The following NR2F1-AS1 variants were observed in gnomAD, a reference collection of about 807,000 sequenced individuals.
NR2F1-AS1 encodes the protein NR2F1 regulatory antisense RNA 1.
upstream of NR2F1-AS1, chr5:93,585,515 C>T (rs746420132): frequency 3.3e-5 from 52 of 1,567,462 alleles, no homozygotes; most frequent in Non-Finnish European, 4.6e-5. Flanking sequence ...CTTCTCTCCC[C>T]GCGCTTCGCC....
At chr5:93,533,935 C>T (rs1751784551) in intron 4 of NR2F1-AS1, among the ~76,000 whole-genome samples, 1 of 152,020 alleles carries the variant, frequency 6.6e-6, no homozygotes, top group Non-Finnish European at 1.5e-5. Context: ...TCAAGTCCAG[C>T]CTGGCCAACA....
At chr5:93,418,387 A>G (rs561547753) in intron 4 of NR2F1-AS1, among the ~76,000 whole-genome samples, 12 of 152,032 alleles carry the variant, frequency 7.9e-5, no homozygotes, top group Admixed American at 3.3e-4. Flanking sequence ...AGGAGATTGA[A>G]ACCATCCTGG....
intron 4 of NR2F1-AS1, among the ~76,000 whole-genome samples, chr5:93,546,079 T>C (rs907121957): frequency 6.6e-6 from 1 of 152,192 alleles, no homozygotes; most frequent in Non-Finnish European, 1.5e-5. Flanking sequence ...TGTGGGCAAG[T>C]TAATTAACCT....
intron 4 of NR2F1-AS1, among the ~76,000 whole-genome samples, chr5:93,479,301 G>T (rs561722266): frequency 1.3e-5 from 2 of 152,282 alleles, no homozygotes; most frequent in South Asian, 4.1e-4. Flanking sequence ...ACCATGATGG[G>T]CTGACGCAGC....
chr5:93,444,108 A>G (rs1402874232), intron 4 of NR2F1-AS1, among the ~76,000 whole-genome samples: 1 of 152,244 alleles, frequency 6.6e-6, no homozygotes, highest in Non-Finnish European at 1.5e-5. Flanking sequence ...GACAAATTGT[A>G]AAGACCATCA....
rs190586843 is a variant in NR2F1-AS1 at position 93,509,525 on chromosome 5, A to G, written n.638+44236T>C. 1.6e-3 allele frequency among the ~76,000 whole-genome samples: 244 copies of G among 152,218 alleles called. 1 individual carries two copies. Among genetic ancestry groups the G allele is most frequent in the Middle Eastern group, 0.014 (4 of 294 alleles). ...AATATAAATACATACAATCAAATAT[A>G]TAAAGCTGGAGGAAGAATACATACC... On this transcript the variant is annotated intron_variant and non_coding_transcript_variant, in intron 4 of 5. Transcript: ENST00000660523.
At chr5:93,496,665 TAAAGTA>T (rs947798332) in intron 4 of NR2F1-AS1, among the ~76,000 whole-genome samples, 2 of 152,212 alleles carry the variant, frequency 1.3e-5, no homozygotes, top group African/African-American at 4.8e-5. Flanking sequence ...CTTTGCCATA[TAAAGTA>T]ACTGCTCCCA....
chr5:93,568,350 A>T lies in NR2F1-AS1; in HGVS notation n.314-4887T>A, dbSNP rs1752664225. On this transcript the variant is annotated intron_variant and non_coding_transcript_variant, in intron 1 of 5. Transcript: ENST00000660523. The stretch of plus-strand genomic sequence containing the variant: ...TACTTTTACAAAAGCCTATGTATTT[A>T]AATTTATTTGTGCTTCTGTAGAAAG... 2.0e-5 allele frequency among the ~76,000 whole-genome samples: 3 copies of T among 152,194 alleles called. No homozygotes were observed. The South Asian group carries it at 6.2e-4, about 32-fold the overall frequency.
At chr5:93,463,780 A>C in intron 4 of NR2F1-AS1, among the ~76,000 whole-genome samples, 1 of 152,158 alleles carries the variant, frequency 6.6e-6, no homozygotes, top group Middle Eastern at 3.2e-3. Flanking sequence ...TCAGACTTGC[A>C]TGTGGTCTTT....
intron 4 of NR2F1-AS1, among the ~76,000 whole-genome samples, chr5:93,418,381 G>T (rs1749012822): frequency 6.6e-6 from 1 of 152,104 alleles, no homozygotes; most frequent in Admixed American, 6.6e-5. Context: ...AAGGTCAGGA[G>T]ATTGAAACCA....
intron 4 of NR2F1-AS1, among the ~76,000 whole-genome samples, chr5:93,524,991 A>C (rs983201661): frequency 5.3e-5 from 8 of 152,256 alleles, no homozygotes; most frequent in Admixed American, 4.6e-4. Flanking sequence ...CGACAGGATC[A>C]AATTCACATA....
chr5:93,445,465 T>G (rs1212025890), intron 4 of NR2F1-AS1, among the ~76,000 whole-genome samples: 1 of 152,140 alleles, frequency 6.6e-6, no homozygotes, highest in Non-Finnish European at 1.5e-5. Flanking sequence ...GATAAATTCC[T>G]GGACACATAC....
At chr5:93,543,384 G>T (rs920592445) in intron 4 of NR2F1-AS1, 4 of 152,010 alleles carry the variant, frequency 2.6e-5, no homozygotes, top group African/African-American at 9.7e-5. Context: ...TCCAGGGATA[G>T]GAAACTACAA....
At chr5:93,449,331 A>G (rs1009184186) in intron 4 of NR2F1-AS1, among the ~76,000 whole-genome samples, 1 of 152,136 alleles carries the variant, frequency 6.6e-6, no homozygotes, top group Non-Finnish European at 1.5e-5. Flanking sequence ...ATATTTACCA[A>G]TACATACTTT....
chr5:93,531,512 C>A (rs1272603893), intron 4 of NR2F1-AS1, among the ~76,000 whole-genome samples: 2 of 152,182 alleles, frequency 1.3e-5, no homozygotes, highest in African/African-American at 4.8e-5. Context: ...AAATGTTTTT[C>A]TTTTCCCGTT....
intron 4 of NR2F1-AS1, among the ~76,000 whole-genome samples, chr5:93,468,017 G>T (rs189794228): frequency 0.018 from 2,764 of 152,246 alleles, 72 homozygotes; most frequent in Non-Finnish European, 0.019. Context: ...GTATTCCATG[G>T]TGTATATGTG....
chr5:93,555,095 C>A (rs987205416), intron 2 of NR2F1-AS1: 3 of 152,142 alleles, frequency 2.0e-5, no homozygotes, highest in African/African-American at 7.2e-5. Flanking sequence ...TTCTCTTTAA[C>A]AGCTTTCCAT....
intron 4 of NR2F1-AS1, among the ~76,000 whole-genome samples, chr5:93,486,168 A>G (rs1309901983): frequency 9.2e-5 from 13 of 141,124 alleles, no homozygotes; most frequent in African/African-American, 1.3e-4. Flanking sequence ...ATGCTAGATG[A>G]CGAGTTAGTG....
intron 4 of NR2F1-AS1, among the ~76,000 whole-genome samples, chr5:93,468,544 T>G (rs1265312098): frequency 2.0e-5 from 3 of 152,242 alleles, no homozygotes; most frequent in Non-Finnish European, 4.4e-5. Context: ...TTCTGGATAT[T>G]AGCCCTTTGA....
Sources: allele counts gnomAD v4.1 joint callset (sites outside exome capture counted in the v4.1 genomes callset), GRCh38; gene constraint gnomAD v4.1.1; transcripts MANE v1.5; gene names NCBI Gene and HGNC (gene_info 2026-07-23, HGNC 2026-07-21).